The following NEGR1 variants were observed in gnomAD, a reference collection of about 807,000 sequenced individuals.
NEGR1 encodes neuronal growth regulator 1.
Under a neutral mutation model 40.9 loss-of-function variants are expected in NEGR1, and 10 were observed. The ratio of observed to expected loss-of-function variants is 0.24; its 90% CI spans 0.15 to 0.42. The LOEUF (loss-of-function observed/expected upper bound fraction) is 0.42. Among genes scored for constraint, NEGR1 ranks in the 10% least tolerant of loss-of-function variants. The pLI, the probability that NEGR1 is intolerant of heterozygous loss-of-function variation, is 1.00. For synonymous variants in NEGR1, 185 were observed against 166.8 expected (o/e 1.11, Z -0.84); for missense variants, 352 against 438.9 (o/e 0.80, Z 1.77).
At chr1:71,898,949 A>AATATATATATATAGCAT (rs1370838761) in intron 2 of NEGR1, among the ~76,000 whole-genome samples, 2 of 119,352 alleles carry the variant, frequency 1.7e-5, no homozygotes, top group Non-Finnish European at 3.3e-5. Context: ...ATATATTGCA[A>AATATATATATATAGCAT]ATATATATAT....
chr1:72,196,789 G>GA (rs1405155800), intron 1 of NEGR1, among the ~76,000 whole-genome samples: 2 of 149,192 alleles, frequency 1.3e-5, no homozygotes, highest in Non-Finnish European at 3.0e-5. Flanking sequence ...CACTACAAGA[G>GA]AAAAAATGAC....
At chr1:72,223,540 G>A (rs1023284741) in intron 1 of NEGR1, among the ~76,000 whole-genome samples, 36 of 152,126 alleles carry the variant, frequency 2.4e-4, no homozygotes, top group Admixed American at 5.2e-4. Flanking sequence ...TTAAGTGGCC[G>A]TGACTATAAT....
intron 2 of NEGR1, among the ~76,000 whole-genome samples, chr1:71,872,112 A>G (rs1269478346): frequency 1.3e-5 from 2 of 152,144 alleles, no homozygotes; most frequent in East Asian, 1.9e-4. Context: ...GTGAACAACT[A>G]TAGTCCATTC....
At chr1:71,997,135 T>C (rs902444579) in intron 1 of NEGR1, among the ~76,000 whole-genome samples, 5 of 152,096 alleles carry the variant, frequency 3.3e-5, no homozygotes, top group Non-Finnish European at 5.9e-5. Flanking sequence ...TCAAGCTACC[T>C]GTTGAATAAC....
chr1:71,462,986 C>T (rs1203745113), intron 6 of NEGR1, among the ~76,000 whole-genome samples: 1 of 152,034 alleles, frequency 6.6e-6, no homozygotes, highest in Admixed American at 6.6e-5. Flanking sequence ...CTGGGTATTT[C>T]TTTTGTTCTT....
At chr1:71,492,768 A>T (rs1016827233) in intron 6 of NEGR1, among the ~76,000 whole-genome samples, 1 of 152,164 alleles carries the variant, frequency 6.6e-6, no homozygotes, top group African/African-American at 2.4e-5. Flanking sequence ...TGGGAGTCTG[A>T]TATTTAAACA....
At chr1:72,195,094 G>A (rs1220775065) in intron 1 of NEGR1, among the ~76,000 whole-genome samples, 1 of 152,036 alleles carries the variant, frequency 6.6e-6, no homozygotes, top group African/African-American at 2.4e-5. Context: ...ATCAAAGATT[G>A]TCACATAGCT....
At chr1:71,646,942 C>T (rs910620725) in intron 4 of NEGR1, among the ~76,000 whole-genome samples, 2 of 151,666 alleles carry the variant, frequency 1.3e-5, no homozygotes, top group African/African-American at 2.4e-5. Flanking sequence ...AGACTATAAG[C>T]GAATACACTA....
At chr1:71,511,444 A>G (rs1647072625) in intron 6 of NEGR1, among the ~76,000 whole-genome samples, 1 of 152,212 alleles carries the variant, frequency 6.6e-6, no homozygotes, top group Non-Finnish European at 1.5e-5. Context: ...AAGTATATAC[A>G]TTCCCTTCTG....
At chr1:71,542,697 C>G (rs1054436414) in intron 6 of NEGR1, among the ~76,000 whole-genome samples, 2 of 151,714 alleles carry the variant, frequency 1.3e-5, no homozygotes, top group Non-Finnish European at 3.0e-5. Flanking sequence ...CAACATTACT[C>G]TAAATATGAC....
intron 4 of NEGR1, among the ~76,000 whole-genome samples, chr1:71,658,531 T>G (rs1651947094): frequency 6.6e-6 from 1 of 152,190 alleles, no homozygotes; most frequent in Non-Finnish European, 1.5e-5. Flanking sequence ...ACTGCTGAGT[T>G]GTTTATTACG....
chr1:71,814,104 T>C (rs578060508), intron 2 of NEGR1, among the ~76,000 whole-genome samples: 1 of 152,274 alleles, frequency 6.6e-6, no homozygotes, highest in South Asian at 2.1e-4. Flanking sequence ...GAATGTTCCA[T>C]CAATACCTAG....
At chr1:72,261,147 G>A (rs1655440064) in intron 1 of NEGR1, among the ~76,000 whole-genome samples, 1 of 152,008 alleles carries the variant, frequency 6.6e-6, no homozygotes, top group East Asian at 1.9e-4. Flanking sequence ...CTAAACAGAT[G>A]GCCACAGAAT....
intron 1 of NEGR1, among the ~76,000 whole-genome samples, chr1:72,118,331 T>G (rs1379227238): frequency 6.6e-6 from 1 of 151,838 alleles, no homozygotes; most frequent in Non-Finnish European, 1.5e-5. Flanking sequence ...TTCAATTTCC[T>G]TTTTGTACTA....
intron 1 of NEGR1, among the ~76,000 whole-genome samples, chr1:72,260,837 A>G (rs1380654644): frequency 6.6e-6 from 1 of 152,156 alleles, no homozygotes; most frequent in African/African-American, 2.4e-5. Context: ...TTGCATAATT[A>G]CATTTCTTTC....
At chr1:71,436,412 A>T (rs1569869170) in intron 6 of NEGR1, among the ~76,000 whole-genome samples, 4 of 152,308 alleles carry the variant, frequency 2.6e-5, no homozygotes, top group Admixed American at 2.6e-4. Flanking sequence ...AAACAAATTG[A>T]CACTAGACAA....
At chr1:72,157,485 T>C (rs1345694561) in intron 1 of NEGR1, among the ~76,000 whole-genome samples, 1 of 152,196 alleles carries the variant, frequency 6.6e-6, no homozygotes, top group Non-Finnish European at 1.5e-5. Flanking sequence ...AACTCTCACA[T>C]ATATTTCTTA....
At chr1:71,925,728 GA>G (rs11308316) in intron 2 of NEGR1, among the ~76,000 whole-genome samples, 81,495 of 146,674 alleles carry the variant, frequency 0.56, 23,438 homozygotes, top group African/African-American at 0.73. Flanking sequence ...CATGATTTGG[GA>G]AAAAAAAAAA....
At chr1:71,530,240 C>T (rs921899140) in intron 6 of NEGR1, among the ~76,000 whole-genome samples, 1 of 151,222 alleles carries the variant, frequency 6.6e-6, no homozygotes, top group Non-Finnish European at 1.5e-5. Context: ...TTTTCATTTA[C>T]TATTTTCATT....
Sources: allele counts gnomAD v4.1 joint callset (sites outside exome capture counted in the v4.1 genomes callset), GRCh38; gene constraint gnomAD v4.1.1; transcripts MANE v1.5; gene names NCBI Gene and HGNC (gene_info 2026-07-23, HGNC 2026-07-21).